Variants in SCN3A observed in about 807,000 individuals in gnomAD.
SCN3A encodes the protein sodium voltage-gated channel alpha subunit 3, also known as sodium channel protein type 3 subunit alpha.
A neutral mutation model predicts 187.6 loss-of-function variants in SCN3A; 60 were observed. That is an observed-to-expected ratio of 0.32 (90% CI 0.26 to 0.40). The LOEUF (loss-of-function observed/expected upper bound fraction) is 0.40, where lower values mean the gene tolerates loss of function less well. Among genes scored for constraint, SCN3A ranks in the 10% least tolerant of loss-of-function variants. SCN3A has a pLI of 1.00. For synonymous variants in SCN3A, 788 were observed against 829.2 expected, an observed-to-expected ratio of 0.95 and a Z score of 0.85; for missense variants, 1,601 against 2,428.2, an observed-to-expected ratio of 0.66 and a Z score of 7.16.
chr2:165,107,695 T>C (rs1685929130), intron 21 of SCN3A, among the ~76,000 whole-genome samples: 1 of 152,234 alleles, frequency 6.6e-6, no homozygotes, highest in African/African-American at 2.4e-5. Context: ...ATCTGTGCCC[T>C]ATTGTAAAAT....
At chr2:165,117,110 C>G (rs1686410029) in intron 18 of SCN3A, among the ~76,000 whole-genome samples, 1 of 151,984 alleles carries the variant, frequency 6.6e-6, no homozygotes, top group Non-Finnish European at 1.5e-5. Flanking sequence ...AGAATTGTAG[C>G]AGCTTCTGGT....
At chr2:165,176,847 T>A (rs1162811104) in intron 2 of SCN3A, among the ~76,000 whole-genome samples, 1 of 152,206 alleles carries the variant, frequency 6.6e-6, no homozygotes, top group African/African-American at 2.4e-5. Context: ...AGTTTGTCAA[T>A]AAAATTGCTT....
At chr2:165,165,179 A>G (rs1369999960) in intron 5 of SCN3A, among the ~76,000 whole-genome samples, 1 of 151,970 alleles carries the variant, frequency 6.6e-6, no homozygotes, top group Non-Finnish European at 1.5e-5. Flanking sequence ...AGAATCATGT[A>G]GAGTTATAAA....
At chr2:165,126,868 A>G (rs1687024207) in intron 18 of SCN3A, among the ~76,000 whole-genome samples, 1 of 152,218 alleles carries the variant, frequency 6.6e-6, no homozygotes, top group Non-Finnish European at 1.5e-5. Context: ...CCTAATGTGT[A>G]TAACACTTTC....
In SCN3A at chr2:165,156,308, T is replaced by C. The variant is rs577272190; in HGVS notation, c.1032-405A>G. 5.7e-4 allele frequency among the ~76,000 whole-genome samples: 87 copies of C among 151,378 alleles called. 1 individual carries two copies. In the East Asian group the frequency reaches 6.7e-3, roughly 12 times the overall value. ...GATCATAAGGTCAGGAGATCGAGACTATCCTGGCTAACACAGTGAAACTCC... is the reference window on the plus strand; with the variant it reads ...GATCATAAGGTCAGGAGATCGAGACCATCCTGGCTAACACAGTGAAACTCC... On this transcript the variant is annotated intron_variant, in intron 9 of 27. Transcript: ENST00000283254.
chr2:165,161,813 T>G (rs1689415540), intron 9 of SCN3A, among the ~76,000 whole-genome samples: 1 of 152,216 alleles, frequency 6.6e-6, no homozygotes, highest in African/African-American at 2.4e-5. Flanking sequence ...ACATGCACCC[T>G]TGGCTTCTTT....
chr2:165,157,200 G>A (rs1220472308), intron 9 of SCN3A, among the ~76,000 whole-genome samples: 3 of 152,112 alleles, frequency 2.0e-5, no homozygotes, highest in African/African-American at 2.4e-5. Flanking sequence ...GAGAGCCACC[G>A]TGCCCAGCCC....
chr2:165,199,602 A>G (rs1692192618), intron 1 of SCN3A, among the ~76,000 whole-genome samples: 1 of 151,812 alleles, frequency 6.6e-6, no homozygotes, highest in South Asian at 2.1e-4. Context: ...AAAAAAAAAA[A>G]ATACTTGGCA....
In SCN3A at chr2:165,095,562, C is replaced by T; in HGVS notation, c.4380G>A (p.Leu1460=). 1 of 1,608,384 alleles carries T rather than the reference C, an allele frequency of 6.2e-7. No homozygotes were observed. The highest frequency in any genetic ancestry group is 8.5e-7 in the Non-Finnish European group (1 of 1,175,004). Residue 1460 remains leucine, a synonymous_variant, in exon 25 of 28, where the codon CTG becomes CTA. Transcript: ENST00000283254. The stretch of plus-strand genomic sequence containing the variant: ...CTATGATGACACCAATGAATAGATT[C>T]AGAGTGAAGAATGACCCAAAGATGA... ...IFIIFGSFFT[L]NLFIGVIIDN...
At chr2:165,096,750 T>G (rs1259773705) in intron 23 of SCN3A, among the ~76,000 whole-genome samples, 1 of 152,274 alleles carries the variant, frequency 6.6e-6, no homozygotes, top group East Asian at 1.9e-4. Context: ...CACTAAAATT[T>G]AGTGAAAGAC....
chr2:165,185,677 C>T (rs1243615596), intron 2 of SCN3A, among the ~76,000 whole-genome samples: 1 of 152,178 alleles, frequency 6.6e-6, no homozygotes, highest in East Asian at 1.9e-4. Context: ...AACCTCTGCA[C>T]TGCTTGTTCT....
Position 165,090,570 on chromosome 2 carries a change from C to G in SCN3A, c.5583G>C (p.Leu1861Phe), listed in dbSNP as rs146618194. The change falls in exon 28 of 28, where the codon TTG becomes TTC. Residue 1861 changes from leucine to phenylalanine, a missense_variant. By Grantham distance (22) the Leu-to-Phe change is conservative. Around this residue, in one of 11 missense-constraint regions of SCN3A, gnomAD observed 110 missense variants for 175.9 expected, o/e 0.63. Transcript: ENST00000283254. This position sits in a 1 kb window ranked among gnomAD's most constrained non-coding sequence, Gnocchi z 4.0. ...DILFAFTKRVLGESGEMDALR... is the reference protein window; with the variant it reads ...DILFAFTKRVFGESGEMDALR... Reference sequence around the variant, plus strand: ...GGGCATCCATCTCTCCACTCTCACCCAAAACACGCTTTGTAAAGGCAAATA... The same window carrying G: ...GGGCATCCATCTCTCCACTCTCACCGAAAACACGCTTTGTAAAGGCAAATA... 2.7e-5 allele frequency: 43 copies of G among 1,613,860 alleles called. No homozygotes were observed. The highest frequency in any genetic ancestry group is 3.5e-5 in the Non-Finnish European group (41 of 1,179,990).
At chr2:165,114,926 C>T (rs1686285950) in intron 19 of SCN3A, among the ~76,000 whole-genome samples, 1 of 152,006 alleles carries the variant, frequency 6.6e-6, no homozygotes, top group Admixed American at 6.6e-5. Context: ...TTTTAACTGT[C>T]CAGGAATAGT....
intron 3 of SCN3A, among the ~76,000 whole-genome samples, chr2:165,174,237 A>G (rs1275686020): frequency 1.3e-5 from 2 of 152,118 alleles, no homozygotes; most frequent in African/African-American, 4.8e-5. Flanking sequence ...AATGAGATAC[A>G]TTACTTTCAT....
Position 165,127,922 on chromosome 2 carries a change from T to C in SCN3A, c.3102A>G (p.Pro1034=), listed in dbSNP as rs1275434022. Residue 1034 remains proline (P), a synonymous_variant, in exon 18 of 28, where the codon CCA becomes CCG. Coordinates refer to ENST00000283254, the MANE Select transcript of SCN3A (RefSeq NM_006922.4). ...TGCCTTCATGGATTTCTATAACTTT[T>C]GGCTTTCTAAAAAAGGCTTTTTGGA... ...ECFQKAFFRK[P]KVIEIHEGNK... The C allele has an allele frequency of 6.2e-7, 1 of 1,614,162 alleles. No individual in the cohort carries two copies. The highest frequency in any genetic ancestry group is 2.2e-5 in the East Asian group (1 of 44,868).
chr2:165,131,468 C>CT (rs1474912160), intron 15 of SCN3A, 51 bp from the exon 16 acceptor site: 46 of 1,296,062 alleles, frequency 3.5e-5, no homozygotes, highest in Non-Finnish European at 4.3e-6. Context: ...AACACTGATG[C>CT]TACACGAATT....
intron 16 of SCN3A, 90 bp from the exon 17 acceptor site, chr2:165,130,386 G>A (rs1687239786): frequency 8.1e-6 from 11 of 1,359,256 alleles, no homozygotes; most frequent in Admixed American, 5.5e-5. Flanking sequence ...AGAACCACAC[G>A]TGGTAGATGT....
At chr2:165,147,294 G>T (rs78008317) in intron 11 of SCN3A, among the ~76,000 whole-genome samples, 17,473 of 131,342 alleles carry the variant, frequency 0.13, 1,449 homozygotes, top group Middle Eastern at 0.19. Flanking sequence ...GGGGGGGGGG[G>T]GTTGGTGACA....
rs552772806 is a variant in SCN3A at position 165,102,926 on chromosome 2, G to C, written c.3844-2502C>G. On this transcript the variant is annotated intron_variant, in intron 21 of 27. Transcript: ENST00000283254. ...GAATTTAAAATATTTTTAGGACTTT[G>C]AGAATACTCACTGCAGATTGGTTTA... 5.3e-5 allele frequency among the ~76,000 whole-genome samples: 8 copies of C among 152,300 alleles called. No homozygotes were observed. In the East Asian group the frequency reaches 1.5e-3, roughly 29 times the overall value.
Sources: allele counts gnomAD v4.1 joint callset (sites outside exome capture counted in the v4.1 genomes callset), GRCh38; gene constraint gnomAD v4.1.1; regional missense constraint gnomAD v4.1.1; non-coding constraint Gnocchi (gnomAD v3.1); transcripts MANE v1.5; gene names NCBI Gene and HGNC (gene_info 2026-07-23, HGNC 2026-07-21).